KCNT2: variants seen among roughly 807,000 people sequenced by gnomAD.
KCNT2 encodes potassium channel subfamily T member 2.
KCNT2 carries 67 observed loss-of-function variants against 153.8 expected under a neutral mutation model. The ratio of observed to expected loss-of-function variants is 0.44; its 90% CI spans 0.36 to 0.53. The LOEUF is 0.53. Ranked by LOEUF, KCNT2 falls within the 20% of genes least tolerant of loss-of-function variation. KCNT2 has a pLI of 0.00. For synonymous variants in KCNT2, 500 were observed against 458.8 expected (o/e 1.09, Z -1.15); for missense variants, 975 against 1,354.8 (o/e 0.72, Z 4.40).
At chr1:196,478,481 C>T (rs976170733) in intron 5 of KCNT2, among the ~76,000 whole-genome samples, 2 of 152,132 alleles carry the variant, frequency 1.3e-5, no homozygotes, top group East Asian at 1.9e-4. Flanking sequence ...AAAGTCCTTC[C>T]TTTATGCCTT....
At position 196,309,095 on chromosome 1, in the gene KCNT2, C is replaced by T. The variant is rs116063863; in HGVS notation, c.2484-3750G>A. 8.2e-3 allele frequency among the ~76,000 whole-genome samples: 1,240 copies of T among 151,702 alleles called. 9 individuals are homozygous for T. Among genetic ancestry groups the T allele is most frequent in the African/African-American group, 0.029 (1,195 of 41,396 alleles). ...GATACATTTTGGCTAACAAAACACT[C>T]CTAGATTAAGTAGCATTAAGACACT... is the stretch of plus-strand genomic sequence containing the variant. On this transcript the variant is annotated intron_variant, in intron 21 of 27. Transcript: ENST00000294725.
At chr1:196,285,050 G>A (rs1205907178) in intron 23 of KCNT2, among the ~76,000 whole-genome samples, 3 of 152,164 alleles carry the variant, frequency 2.0e-5, no homozygotes, top group Non-Finnish European at 2.9e-5. Context: ...CTGCTATTCA[G>A]TTTCTGGCAG....
intron 1 of KCNT2, among the ~76,000 whole-genome samples, chr1:196,602,708 AATT>A (rs1664862425): frequency 6.6e-6 from 1 of 151,888 alleles, no homozygotes; most frequent in Non-Finnish European, 1.5e-5. Flanking sequence ...GAAAAACAAT[AATT>A]ATTAAATAAT....
At chr1:196,233,678 T>C (rs1321253230) in intron 27 of KCNT2, among the ~76,000 whole-genome samples, 1 of 151,518 alleles carries the variant, frequency 6.6e-6, no homozygotes. Context: ...ATTTGTGGTA[T>C]ATATGCAAAG....
chr1:196,514,722 A>G (rs1681910470), intron 1 of KCNT2, among the ~76,000 whole-genome samples: 1 of 152,172 alleles, frequency 6.6e-6, no homozygotes, highest in Non-Finnish European at 1.5e-5. Flanking sequence ...TTGCTTTTCT[A>G]TATCTACATA....
chr1:196,265,725 C>CA (rs1318195011), intron 25 of KCNT2, among the ~76,000 whole-genome samples: 1 of 152,080 alleles, frequency 6.6e-6, no homozygotes, highest in Non-Finnish European at 1.5e-5. Context: ...GTGTCCACCC[C>CA]AAAAAATGCT....
intron 14 of KCNT2, among the ~76,000 whole-genome samples, chr1:196,355,674 T>C (rs1365999855): frequency 1.3e-5 from 2 of 151,758 alleles, no homozygotes; most frequent in Admixed American, 6.6e-5. Context: ...TAATTCCTGT[T>C]ACCACCACAC....
chr1:196,266,058 C>T (rs1657512111), intron 25 of KCNT2, among the ~76,000 whole-genome samples: 1 of 152,138 alleles, frequency 6.6e-6, no homozygotes, highest in Non-Finnish European at 1.5e-5. Context: ...AAGCAGAAAA[C>T]TGGATACACA....
chr1:196,378,844 A>T (rs1166446244), intron 13 of KCNT2, among the ~76,000 whole-genome samples: 2 of 148,484 alleles, frequency 1.3e-5, no homozygotes, highest in Admixed American at 1.4e-4. Flanking sequence ...ATATAATGTT[A>T]TGCATGGTTA....
chr1:196,363,740 T>A lies in KCNT2; in HGVS notation c.1403+9400A>T, dbSNP rs1432832140. Among the ~76,000 whole-genome samples the A allele has an allele frequency of 6.1e-4, 93 of 152,218 alleles. 1 individual carries two copies. The highest frequency in any genetic ancestry group is 5.9e-5 in the Non-Finnish European group (4 of 67,992). On this transcript the variant is annotated intron_variant, in intron 14 of 27. Transcript: ENST00000294725. ...AAGATTCTGGCCCTGAATTTTGGAC[T>A]CCCCAAGAAAATAAATCTGTCTTTA... is the stretch of plus-strand genomic sequence containing the variant.
At chr1:196,559,908 G>A (rs1311077054) in intron 1 of KCNT2, among the ~76,000 whole-genome samples, 1 of 151,668 alleles carries the variant, frequency 6.6e-6, no homozygotes, top group African/African-American at 2.4e-5. Flanking sequence ...TACAGGACAC[G>A]TTAAATAAGA....
chr1:196,567,361 C>A (rs1329521975), intron 1 of KCNT2, among the ~76,000 whole-genome samples: 2 of 152,128 alleles, frequency 1.3e-5, no homozygotes, highest in Non-Finnish European at 2.9e-5. Context: ...ATCAAATGTC[C>A]ACTCCTCCCT....
At chr1:196,292,572 C>T (rs560459961) in intron 22 of KCNT2, among the ~76,000 whole-genome samples, 33 of 151,984 alleles carry the variant, frequency 2.2e-4, no homozygotes, top group African/African-American at 6.5e-4. Flanking sequence ...TTTGGGAGGC[C>T]GAGGCGGGCG....
At chr1:196,389,356 T>C (rs934763215) in intron 13 of KCNT2, among the ~76,000 whole-genome samples, 5 of 151,698 alleles carry the variant, frequency 3.3e-5, no homozygotes, top group African/African-American at 1.2e-4. Context: ...AAAATCACTA[T>C]AAATTTTTTT....
intron 25 of KCNT2, among the ~76,000 whole-genome samples, chr1:196,264,721 C>T (rs920970734): frequency 2.0e-5 from 3 of 152,162 alleles, no homozygotes; most frequent in Non-Finnish European, 4.4e-5. Flanking sequence ...CAACCTCCAC[C>T]TCCCAGCTCA....
chr1:196,593,009 T>G (rs1663570762), intron 1 of KCNT2, among the ~76,000 whole-genome samples: 1 of 150,662 alleles, frequency 6.6e-6, no homozygotes, highest in South Asian at 2.1e-4. Context: ...TTTGTAAGAT[T>G]TTGGTGCACC....
At chr1:196,265,768 A>C (rs1657484846) in intron 25 of KCNT2, among the ~76,000 whole-genome samples, 1 of 152,202 alleles carries the variant, frequency 6.6e-6, no homozygotes, top group South Asian at 2.1e-4. Flanking sequence ...CCTCCATAAC[A>C]GCACAGTTCC....
At chr1:196,448,758 A>G (rs547097426) in intron 8 of KCNT2, among the ~76,000 whole-genome samples, 191 of 151,864 alleles carry the variant, frequency 1.3e-3, no homozygotes, top group African/African-American at 4.4e-3. Flanking sequence ...AACTAAAGTC[A>G]CACAGCAAGA....
intron 26 of KCNT2, chr1:196,257,718 C>G: frequency 1.0e-6 from 1 of 983,838 alleles, no homozygotes; most frequent in Non-Finnish European, 1.2e-6. Context: ...ATTTGAGCTT[C>G]AAAATTAAAG....
Sources: allele counts gnomAD v4.1 joint callset (sites outside exome capture counted in the v4.1 genomes callset), GRCh38; gene constraint gnomAD v4.1.1; transcripts MANE v1.5; gene names NCBI Gene and HGNC (gene_info 2026-07-23, HGNC 2026-07-21).